ADGRL2: variants seen among roughly 807,000 people sequenced by gnomAD.
ADGRL2 encodes the protein adhesion G protein-coupled receptor L2, also known as calcium-independent alpha-latrotoxin receptor 2.
In ADGRL2, 44 loss-of-function variants were observed where a neutral mutation model predicts 157.4. The ratio of observed to expected loss-of-function variants is 0.28; its 90% CI spans 0.22 to 0.36. The LOEUF (loss-of-function observed/expected upper bound fraction) is 0.36, where lower values mean the gene tolerates loss of function less well. Among genes scored for constraint, ADGRL2 ranks in the 10% least tolerant of loss-of-function variants. The probability of loss-of-function intolerance (pLI) is 1.00; values close to 1 mark genes in which losing one functional copy is unlikely to be tolerated. For missense variants in ADGRL2, 1,510 were observed against 1,768.9 expected (o/e 0.85, Z 2.63); for synonymous variants, 585 against 624.7 (o/e 0.94, Z 0.95).
Position 81,725,555 on chromosome 1 carries a change from T to C in ADGRL2, c.-143+25747T>C, listed in dbSNP as rs116193288. ...CTCTGTCTCAAAATAAATAAATAAA[T>C]AAATAAATAAATAAACTTGCATTTG... On this transcript the variant is annotated intron_variant, in intron 1 of 20. Transcript: ENST00000359929. 4.0e-3 allele frequency among the ~76,000 whole-genome samples: 606 copies of C among 151,412 alleles called. 10 individuals are homozygous for C. The highest frequency in any genetic ancestry group is 0.014 in the African/African-American group (585 of 41,324).
At chr1:81,879,607 T>C (rs1056917291) in intron 2 of ADGRL2, among the ~76,000 whole-genome samples, 2 of 152,064 alleles carry the variant, frequency 1.3e-5, no homozygotes, top group Admixed American at 6.6e-5. Flanking sequence ...ATATTATTTA[T>C]TCTTCTTCTG....
At chr1:81,806,274 T>C (rs1027534677) in intron 1 of ADGRL2, among the ~76,000 whole-genome samples, 10 of 152,036 alleles carry the variant, frequency 6.6e-5, no homozygotes, top group African/African-American at 2.2e-4. Flanking sequence ...TTATAAAAAC[T>C]AATGTAAATA....
At chr1:81,745,578 T>C (rs1436086984) in intron 1 of ADGRL2, among the ~76,000 whole-genome samples, 1 of 152,316 alleles carries the variant, frequency 6.6e-6, no homozygotes, top group East Asian at 1.9e-4. Context: ...CACTCAGTGT[T>C]ATTCATGTAA....
At position 81,422,343 on chromosome 1, in the gene ADGRL2, C is replaced by T. The variant is rs1046808117; in HGVS notation, c.-301-22693C>T. Among the ~76,000 whole-genome samples, 8 of 152,290 alleles carry T rather than the reference C, an allele frequency of 5.3e-5. No homozygotes were observed. In the Middle Eastern group the frequency reaches 0.014, roughly 259 times the overall value. On this transcript the variant is annotated intron_variant, in intron 1 of 24. Coordinates refer to the ADGRL2 transcript ENST00000370721. Reference sequence around the variant, plus strand: ...CACTGCAATCTCCACCTCCTGAATTCAAGCGATTCTCCTGCCTTAGCCTCC... The same window carrying T: ...CACTGCAATCTCCACCTCCTGAATTTAAGCGATTCTCCTGCCTTAGCCTCC...
At position 81,310,544 on chromosome 1, in the gene ADGRL2, A is replaced by G. The variant is rs74576917; in HGVS notation, c.-302+4035A>G. ...ACAAATGAAAAACAATTTTGATTGT[A>G]TTCTGTGATACCAGCATTCTTTTTA... On this transcript the variant is annotated intron_variant, in intron 1 of 24. Coordinates refer to the ADGRL2 transcript ENST00000370721. Among the ~76,000 whole-genome samples, 58 of 152,316 alleles carry G rather than the reference A, an allele frequency of 3.8e-4. 1 individual carries two copies. In the East Asian group the frequency reaches 0.011, roughly 29 times the overall value.
chr1:81,419,476 G>C (rs538526080), intron 1 of ADGRL2, among the ~76,000 whole-genome samples: 2 of 152,156 alleles, frequency 1.3e-5, no homozygotes, highest in Non-Finnish European at 1.5e-5. Context: ...CCAAAGTACT[G>C]GCATTACAGG....
intron 2 of ADGRL2, among the ~76,000 whole-genome samples, chr1:81,845,774 A>C (rs145433674): frequency 0.021 from 3,165 of 151,888 alleles, 54 homozygotes; most frequent in Middle Eastern, 0.034. Context: ...ACACTGTTTA[A>C]AATTTTTAAT....
chr1:81,716,941 C>A (rs1347176086), intron 1 of ADGRL2, among the ~76,000 whole-genome samples: 1 of 152,116 alleles, frequency 6.6e-6, no homozygotes, highest in Non-Finnish European at 1.5e-5. Flanking sequence ...TCAGTCTTCT[C>A]ATCCAAAAAT....
chr1:81,667,248 AT>A (rs1211491546), intron 3 of ADGRL2, among the ~76,000 whole-genome samples: 1 of 152,208 alleles, frequency 6.6e-6, no homozygotes, highest in Non-Finnish European at 1.5e-5. Flanking sequence ...GACAGGAGTT[AT>A]TTAATGTGAC....
chr1:81,811,947 A>G (rs1212316173), intron 1 of ADGRL2, among the ~76,000 whole-genome samples: 1 of 151,660 alleles, frequency 6.6e-6, no homozygotes, highest in Non-Finnish European at 1.5e-5. Context: ...TTTCCTTGAA[A>G]TACACTGTCT....
intron 2 of ADGRL2, among the ~76,000 whole-genome samples, chr1:81,526,818 T>G (rs1464200327): frequency 6.6e-6 from 1 of 152,252 alleles, no homozygotes; most frequent in East Asian, 1.9e-4. Flanking sequence ...TTAAATCAGA[T>G]ATTTTTGTCT....
rs752281366 is a variant in ADGRL2 at position 81,943,387 on chromosome 1, T to A, written c.828T>A (p.Gly276=). ...TDIDLAVDEN[G]LWVIYATEQN... Reference sequence around the variant, plus strand: ...TCGACCTAGCAGTTGATGAAAATGGTTTATGGGTCATTTACGCCACTGAAC... The same window carrying A: ...TCGACCTAGCAGTTGATGAAAATGGATTATGGGTCATTTACGCCACTGAAC... Residue 276 remains glycine, a synonymous_variant, in exon 6 of 24, where the codon GGT becomes GGA. Coordinates refer to ENST00000686636, the MANE Select transcript of ADGRL2 (RefSeq NM_001366006.2). The surrounding 1 kb of genome is among the most constrained non-coding windows in gnomAD (Gnocchi z 5.6). 5.0e-6 allele frequency: 8 copies of A among 1,613,628 alleles called. No homozygotes were observed. The highest frequency in any genetic ancestry group is 6.8e-6 in the Non-Finnish European group (8 of 1,179,766).
intron 2 of ADGRL2, among the ~76,000 whole-genome samples, chr1:81,488,028 G>A (rs2078546376): frequency 1.3e-5 from 2 of 152,130 alleles, no homozygotes; most frequent in Non-Finnish European, 2.9e-5. Context: ...AGACGAAATG[G>A]CTATTGTTAC....
chr1:81,536,242 A>G (rs2079733993), intron 2 of ADGRL2, among the ~76,000 whole-genome samples: 1 of 152,208 alleles, frequency 6.6e-6, no homozygotes, highest in Non-Finnish European at 1.5e-5. Context: ...AATGATTTTT[A>G]AATTTTGTAT....
intron 5 of ADGRL2, among the ~76,000 whole-genome samples, chr1:81,942,382 A>G (rs1046648457): frequency 1.3e-5 from 2 of 151,832 alleles, no homozygotes; most frequent in Non-Finnish European, 2.9e-5. Context: ...CCATGGTTAC[A>G]GGGTCTCCTG....
chr1:81,991,231 G>C lies in ADGRL2; in HGVS notation c.*86G>C, dbSNP rs1664551414. The stretch of plus-strand genomic sequence containing the variant: ...GCCTGACGCAGCTCCCTCAAACTCT[G>C]CTTGAAGAGATGACTCTTGACCTGT... On this transcript the variant is annotated 3_prime_UTR_variant, in exon 24 of 24. Transcript: ENST00000686636. 1 of 1,261,888 alleles carries C rather than the reference G, an allele frequency of 7.9e-7. No individual in the cohort carries two copies. Among genetic ancestry groups the C allele is most frequent in the African/African-American group, 1.5e-5 (1 of 67,110 alleles). 78.2% of individuals were successfully genotyped at this position (1,261,888 alleles called of 1,614,324 possible).
At chr1:81,665,360 ATC>A in intron 3 of ADGRL2, among the ~76,000 whole-genome samples, 1 of 152,160 alleles carries the variant, frequency 6.6e-6, no homozygotes, top group Non-Finnish European at 1.5e-5. Context: ...GTATATAAAC[ATC>A]TGTTCCTTTT....
upstream of ADGRL2, among the ~76,000 whole-genome samples, chr1:81,798,477 T>G (rs1388463798): frequency 6.6e-6 from 1 of 152,142 alleles, no homozygotes; most frequent in Non-Finnish European, 1.5e-5. Flanking sequence ...ATAGCAAGTC[T>G]ATTATATTTT....
chr1:81,354,988 T>C (rs1235180774), intron 1 of ADGRL2, among the ~76,000 whole-genome samples: 1 of 152,142 alleles, frequency 6.6e-6, no homozygotes, highest in Non-Finnish European at 1.5e-5. Flanking sequence ...AAAGCAACTG[T>C]ATAGGAAAAA....
Sources: allele counts gnomAD v4.1 joint callset (sites outside exome capture counted in the v4.1 genomes callset), GRCh38; gene constraint gnomAD v4.1.1; non-coding constraint Gnocchi (gnomAD v3.1); transcripts MANE v1.5; gene names NCBI Gene and HGNC (gene_info 2026-07-23, HGNC 2026-07-21).